TTC39C: variants seen among roughly 807,000 people sequenced by gnomAD.
TTC39C encodes tetratricopeptide repeat domain 39C, also known as tetratricopeptide repeat protein 39C.
A neutral mutation model predicts 76.3 loss-of-function variants in TTC39C; 33 were observed. The observed-to-expected ratio is 0.43, with a 90% CI of 0.33 to 0.58. TTC39C has a LOEUF of 0.58. Ranked by LOEUF, TTC39C falls within the 20% of genes least tolerant of loss-of-function variation. The pLI, the probability that TTC39C is intolerant of heterozygous loss-of-function variation, is 0.04. For synonymous variants in TTC39C, 254 were observed against 260.6 expected (o/e 0.97, Z 0.24); for missense variants, 595 against 701.4 (o/e 0.85, Z 1.71).
At chr18:24,018,775 G>A (rs1012545337) in intron 1 of TTC39C, among the ~76,000 whole-genome samples, 1 of 152,102 alleles carries the variant, frequency 6.6e-6, no homozygotes. Context: ...AGGAAACAGC[G>A]GAAAAACCCA....
At chr18:24,055,239 A>G (rs983462898) in intron 1 of TTC39C, among the ~76,000 whole-genome samples, 10 of 152,040 alleles carry the variant, frequency 6.6e-5, no homozygotes, top group African/African-American at 2.2e-4. Context: ...CCTGCTTTCA[A>G]TTCTTTTGTG....
In TTC39C at chr18:24,078,142, A is replaced by G. The variant is rs183985475; in HGVS notation, c.461-2443A>G. ...AGTTACTAAAAAAACTTTGTAGATT[A>G]ATTTGTTTTACTTGTTCATTCTACC... On this transcript the variant is annotated intron_variant, in intron 4 of 13. Transcript: ENST00000317571. Among the ~76,000 whole-genome samples the G allele has an allele frequency of 2.0e-4, 30 of 152,336 alleles. 1 individual carries two copies. Among genetic ancestry groups the G allele is most frequent in the Admixed American group, 1.8e-3 (27 of 15,298 alleles).
intron 1 of TTC39C, among the ~76,000 whole-genome samples, chr18:24,049,633 AG>A (rs1369223018): frequency 1.3e-5 from 2 of 152,214 alleles, no homozygotes; most frequent in Non-Finnish European, 2.9e-5. Flanking sequence ...CCGAGGGACC[AG>A]GAAGAGTGGT....
chr18:24,071,358 C>T (rs889892637), intron 4 of TTC39C, among the ~76,000 whole-genome samples: 6 of 152,128 alleles, frequency 3.9e-5, no homozygotes, highest in Non-Finnish European at 4.4e-5. Context: ...TCCCTGCCCT[C>T]GTGAAGCTGA....
intron 1 of TTC39C, among the ~76,000 whole-genome samples, chr18:24,045,282 A>AAAAAAAG (rs1393777800): frequency 1.3e-5 from 2 of 151,024 alleles, no homozygotes; most frequent in African/African-American, 4.9e-5. Flanking sequence ...AAAAAAAAAA[A>AAAAAAAG]AGCATGTAGC....
chr18:24,001,823 GTTTTTT>G (rs750295981), intron 1 of TTC39C, among the ~76,000 whole-genome samples: 1 of 57,496 alleles, frequency 1.7e-5, no homozygotes, highest in South Asian at 4.5e-4. Flanking sequence ...CGGTAATTCT[GTTTTTT>G]TTTTTTTTTT....
intron 1 of TTC39C, among the ~76,000 whole-genome samples, chr18:24,017,307 C>T (rs1242279969): frequency 6.6e-6 from 1 of 152,188 alleles, no homozygotes; most frequent in African/African-American, 2.4e-5. Context: ...GTCCTGCAAC[C>T]TGGGTTCCAG....
intron 6 of TTC39C, among the ~76,000 whole-genome samples, chr18:24,084,814 A>G (rs777875223): frequency 2.6e-5 from 4 of 152,054 alleles, no homozygotes; most frequent in Non-Finnish European, 5.9e-5. Context: ...GCTGTGCGAC[A>G]CCATGCCTGG....
upstream of TTC39C, among the ~76,000 whole-genome samples, chr18:24,011,993 G>A (rs2083396915): frequency 6.6e-6 from 1 of 152,110 alleles, no homozygotes; most frequent in South Asian, 2.1e-4. Flanking sequence ...TAGGTAATTT[G>A]CACCATGACT....
At chr18:24,123,380 CT>C (rs59549395) in intron 8 of TTC39C, among the ~76,000 whole-genome samples, 1 of 129,780 alleles carries the variant, frequency 7.7e-6, no homozygotes, top group Admixed American at 8.1e-5. Context: ...GTGGAACAGT[CT>C]TTTTTTTGTT....
intron 1 of TTC39C, among the ~76,000 whole-genome samples, chr18:24,018,189 G>A (rs1321452615): frequency 7.9e-5 from 12 of 152,324 alleles, no homozygotes; most frequent in Non-Finnish European, 4.4e-5. Context: ...CTGCCCTTTG[G>A]TGGTGCTGAG....
chr18:24,095,341 C>T (rs1023592482), intron 6 of TTC39C, among the ~76,000 whole-genome samples: 9 of 152,216 alleles, frequency 5.9e-5, no homozygotes, highest in Non-Finnish European at 1.0e-4. Flanking sequence ...TTCGTATCAG[C>T]AGTAATGCTG....
At chr18:24,121,748 G>A (rs1401762933) in intron 8 of TTC39C, among the ~76,000 whole-genome samples, 1 of 152,184 alleles carries the variant, frequency 6.6e-6, no homozygotes, top group Non-Finnish European at 1.5e-5. Flanking sequence ...ATCTGAGGAA[G>A]ACCTCAAGCT....
At chr18:24,044,091 T>TGTGTGTGTG (rs1475127212) in intron 1 of TTC39C, among the ~76,000 whole-genome samples, 2 of 138,218 alleles carry the variant, frequency 1.4e-5, no homozygotes, top group African/African-American at 5.3e-5. Flanking sequence ...TGTGTGTGTG[T>TGTGTGTGTG]TTAATAACCA....
chr18:24,091,193 CT>C (rs1221863638), intron 6 of TTC39C, among the ~76,000 whole-genome samples: 1 of 152,224 alleles, frequency 6.6e-6, no homozygotes. Flanking sequence ...AGCTCAATGC[CT>C]ATAATCCCAG....
chr18:24,099,069 CAT>C (rs771904866), intron 6 of TTC39C, among the ~76,000 whole-genome samples: 3 of 121,774 alleles, frequency 2.5e-5, no homozygotes, highest in Admixed American at 8.4e-5. Flanking sequence ...ATACATATAA[CAT>C]ATATACATAT....
intron 1 of TTC39C, among the ~76,000 whole-genome samples, chr18:24,045,366 C>T (rs995508172): frequency 2.6e-5 from 4 of 151,568 alleles, no homozygotes; most frequent in Non-Finnish European, 5.9e-5. Context: ...GTGTGCACAG[C>T]AAAGTATAAG....
intron 6 of TTC39C, among the ~76,000 whole-genome samples, chr18:24,101,566 A>C (rs2084676290): frequency 6.6e-6 from 1 of 152,196 alleles, no homozygotes; most frequent in Admixed American, 6.5e-5. Flanking sequence ...TCAAAAAAAA[A>C]AAAAACATCC....
At chr18:24,043,956 A>G (rs998402199) in intron 1 of TTC39C, among the ~76,000 whole-genome samples, 2 of 152,218 alleles carry the variant, frequency 1.3e-5, no homozygotes, top group East Asian at 3.8e-4. Flanking sequence ...ACTTCTTGCC[A>G]AAAGTCTCTT....
Sources: allele counts gnomAD v4.1 joint callset (sites outside exome capture counted in the v4.1 genomes callset), GRCh38; gene constraint gnomAD v4.1.1; transcripts MANE v1.5; gene names NCBI Gene and HGNC (gene_info 2026-07-23, HGNC 2026-07-21).